FAM177A1: variants seen among roughly 807,000 people sequenced by gnomAD.
The protein encoded by FAM177A1 is protein FAM177A1.
In FAM177A1, 22 loss-of-function variants were observed where a neutral mutation model predicts 26.1. That is an observed-to-expected ratio of 0.84 (90% CI 0.60 to 1.20). The LOEUF (loss-of-function observed/expected upper bound fraction) is 1.20, where lower values mean the gene tolerates loss of function less well. Among genes scored for constraint, FAM177A1 ranks in the 50% most tolerant of loss-of-function variants. FAM177A1 has a pLI of 0.00. For synonymous variants in FAM177A1, 95 were observed against 99.3 expected (o/e 0.96, Z 0.26); for missense variants, 296 against 291.1 (o/e 1.02, Z -0.12).
At chr14:35,068,653 G>T (rs1272489252) in intron 2 of FAM177A1, among the ~76,000 whole-genome samples, 1 of 152,158 alleles carries the variant, frequency 6.6e-6, no homozygotes, top group Non-Finnish European at 1.5e-5. Flanking sequence ...TTCTCCCGGG[G>T]TTCCCAGTAA....
intron 2 of FAM177A1, among the ~76,000 whole-genome samples, chr14:35,066,103 G>A (rs1017429574): frequency 6.6e-6 from 1 of 151,966 alleles, no homozygotes; most frequent in African/African-American, 2.4e-5. Context: ...GTCTTCCTCT[G>A]TTGCCCAGGC....
intron 2 of FAM177A1, among the ~76,000 whole-genome samples, chr14:35,073,660 G>T (rs1418372001): frequency 6.6e-6 from 1 of 152,164 alleles, no homozygotes. Context: ...TGTTGTCTAG[G>T]CCTTGACAAG....
intron 2 of FAM177A1, among the ~76,000 whole-genome samples, chr14:35,066,514 C>T (rs999130582): frequency 2.7e-5 from 4 of 150,858 alleles, no homozygotes; most frequent in African/African-American, 9.8e-5. Flanking sequence ...AAGCAATTCT[C>T]CTGCCTCAGT....
chr14:35,078,136 G>A (rs1428366142), intron 3 of FAM177A1, among the ~76,000 whole-genome samples: 1 of 152,160 alleles, frequency 6.6e-6, no homozygotes, highest in African/African-American at 2.4e-5. Flanking sequence ...ACTGAGCACT[G>A]AATATATGCT....
intron 2 of FAM177A1, among the ~76,000 whole-genome samples, chr14:35,068,481 T>C (rs1457578796): frequency 6.6e-6 from 1 of 152,220 alleles, no homozygotes; most frequent in African/African-American, 2.4e-5. Flanking sequence ...TTAGCCAATG[T>C]GAACCACCGG....
chr14:35,080,918 T>G, intron 4 of FAM177A1, 104 bp from the exon 5 acceptor site: 1 of 1,341,474 alleles, frequency 7.5e-7, no homozygotes, highest in Non-Finnish European at 9.6e-7. Context: ...GACACTTTTT[T>G]TTTTTTTTTT....
chr14:35,082,886 G>C lies in FAM177A1; in HGVS notation c.*1658G>C, dbSNP rs1476562510. 6.6e-6 allele frequency: 1 copy of C among 152,312 alleles called. No individual in the cohort carries two copies. Among genetic ancestry groups the C allele is most frequent in the Admixed American group, 6.5e-5 (1 of 15,302 alleles). 9.4% of individuals were successfully genotyped at this position (152,312 alleles called of 1,614,324 possible). ...AGGATAATTAAACTTTTCATTAGGA[G>C]TGTTCAGCTACATGGATTCATGGAA... On this transcript the variant is annotated 3_prime_UTR_variant, in exon 5 of 5. Coordinates refer to ENST00000280987, the MANE Select transcript of FAM177A1 (RefSeq NM_173607.5).
intron 4 of FAM177A1, among the ~76,000 whole-genome samples, chr14:35,079,844 G>A (rs1432750935): frequency 1.3e-5 from 2 of 152,150 alleles, no homozygotes; most frequent in African/African-American, 4.8e-5. Flanking sequence ...TATGGTTGGG[G>A]AAATGGCAAA....
intron 1 of FAM177A1, among the ~76,000 whole-genome samples, chr14:35,052,267 T>C (rs113644150): frequency 0.082 from 12,455 of 151,404 alleles, 570 homozygotes; most frequent in Middle Eastern, 0.11. Context: ...TTTTCCGAGA[T>C]GGAGTCTTGC....
At chr14:35,078,429 G>A (rs1018801725) in intron 3 of FAM177A1, among the ~76,000 whole-genome samples, 4 of 152,100 alleles carry the variant, frequency 2.6e-5, no homozygotes, top group Non-Finnish European at 4.4e-5. Flanking sequence ...TTGTCTCACC[G>A]TAACCTCCAC....
rs532132930 is a variant in FAM177A1 at position 35,073,521 on chromosome 14, G to C, written c.340-3629G>C. Reference sequence around the variant, plus strand: ...CTTTGACACCTTCAGTGTTGAACTTGTGGGGTTCTGGGTGGCCAGGAGCAT... The same window carrying C: ...CTTTGACACCTTCAGTGTTGAACTTCTGGGGTTCTGGGTGGCCAGGAGCAT... On this transcript the variant is annotated intron_variant, in intron 2 of 4. Coordinates refer to ENST00000280987, the MANE Select transcript of FAM177A1 (RefSeq NM_173607.5). Among the ~76,000 whole-genome samples the C allele has an allele frequency of 1.1e-3, 163 of 152,348 alleles. 1 individual carries two copies. Among genetic ancestry groups the C allele is most frequent in the African/African-American group, 3.6e-3 (149 of 41,582 alleles).
Position 35,065,357 on chromosome 14 carries a change from C to CTT in FAM177A1, c.340-11774_340-11773dup, listed in dbSNP as rs1181451849. 2.4e-3 allele frequency among the ~76,000 whole-genome samples: 221 copies of CTT among 91,886 alleles called. 4 individuals are homozygous for CTT. The highest frequency in any genetic ancestry group is 9.3e-3 in the African/African-American group (195 of 21,078). 60.3% of individuals were successfully genotyped at this position (91,886 alleles called of 152,430 possible). A position where few individuals can be genotyped will look rare whatever the true frequency, so the allele number is the denominator to read the frequency against. ...CACTCAGGAGATTTTTCCATTGAAT[C>CTT]TTTTTTTTTTTTTTTTTTTTGCTAG... On this transcript the variant is annotated intron_variant, in intron 2 of 4. Coordinates refer to ENST00000280987, the MANE Select transcript of FAM177A1 (RefSeq NM_173607.5).
At chr14:35,069,889 G>A (rs531660421) in intron 2 of FAM177A1, among the ~76,000 whole-genome samples, 10 of 151,514 alleles carry the variant, frequency 6.6e-5, no homozygotes, top group South Asian at 4.2e-4. Flanking sequence ...AGGCCGAGGC[G>A]GATAGATCAC....
At chr14:35,062,810 A>C (rs1566670662) in intron 2 of FAM177A1, among the ~76,000 whole-genome samples, 1 of 150,948 alleles carries the variant, frequency 6.6e-6, no homozygotes, top group African/African-American at 2.4e-5. Context: ...AAAAAAAAGA[A>C]AAGAAAAATA....
intron 2 of FAM177A1, among the ~76,000 whole-genome samples, chr14:35,057,127 T>C (rs556634386): frequency 6.6e-6 from 1 of 152,324 alleles, no homozygotes; most frequent in South Asian, 2.1e-4. Flanking sequence ...TCCAGTGTCC[T>C]AGGGCAGAAG....
intron 1 of FAM177A1, 148 bp downstream of exon 1, chr14:35,046,776 ACT>A: frequency 7.2e-7 from 1 of 1,382,386 alleles, no homozygotes; most frequent in Admixed American, 3.4e-5. Flanking sequence ...GTTTCTGCTC[ACT>A]GAGACCAGCT....
chr14:35,058,465 T>G (rs889006466), intron 2 of FAM177A1, among the ~76,000 whole-genome samples: 1 of 152,220 alleles, frequency 6.6e-6, no homozygotes, highest in Non-Finnish European at 1.5e-5. Flanking sequence ...TGTACTTTGG[T>G]GCTCTGTTAT....
Position 35,053,340 on chromosome 14 carries a change from C to T in FAM177A1, c.228C>T (p.Val76=), listed in dbSNP as rs763607008. The T allele has an allele frequency of 6.2e-7, 1 of 1,613,996 alleles. No individual in the cohort carries two copies. The highest frequency in any genetic ancestry group is 1.1e-5 in the South Asian group (1 of 91,072). The change falls in exon 2 of 5, where the codon GTC becomes GTT. Residue 76 remains valine, a synonymous_variant. Transcript: ENST00000280987. ...ELGVIGKKKK[V]PRRVIHFVSG... ...GAGTCATAGGAAAAAAGAAGAAAGT[C>T]CCAAGGAGAGTCATCCACTTTGTTA... is the stretch of plus-strand genomic sequence containing the variant.
chr14:35,048,213 T>TA (rs1349334044), intron 1 of FAM177A1, among the ~76,000 whole-genome samples: 3 of 152,162 alleles, frequency 2.0e-5, no homozygotes, highest in African/African-American at 7.2e-5. Context: ...TGGTGCTTGA[T>TA]ATGTTTTTCA....
Sources: allele counts gnomAD v4.1 joint callset (sites outside exome capture counted in the v4.1 genomes callset), GRCh38; gene constraint gnomAD v4.1.1; transcripts MANE v1.5; gene names NCBI Gene and HGNC (gene_info 2026-07-23, HGNC 2026-07-21).